TULP4: variants seen among roughly 807,000 people sequenced by gnomAD.
TULP4 encodes TUB like protein 4.
TULP4 carries 16 observed loss-of-function variants against 129.0 expected under a neutral mutation model. That is an observed-to-expected ratio of 0.12 (90% confidence interval 0.08 to 0.19). The LOEUF (loss-of-function observed/expected upper bound fraction) is 0.19, where lower values mean the gene tolerates loss of function less well. TULP4 is among the 10% of genes least tolerant of loss of function. TULP4 has a pLI of 1.00. For synonymous variants in TULP4, 998 were observed against 854.0 expected (o/e 1.17, Z -2.94); for missense variants, 1,842 against 2,059.1 (o/e 0.89, Z 2.04).
chr6:158,404,998 G>A (rs1221762592), intron 1 of TULP4, among the ~76,000 whole-genome samples: 1 of 152,032 alleles, frequency 6.6e-6, no homozygotes, highest in African/African-American at 2.4e-5. Context: ...TAAAAAAAAA[G>A]TCTATGGAGA....
intron 3 of TULP4, among the ~76,000 whole-genome samples, chr6:158,433,931 G>A (rs960116802): frequency 6.9e-6 from 1 of 144,998 alleles, no homozygotes; most frequent in African/African-American, 2.5e-5. Context: ...AACAACAGAA[G>A]TGTATTTCTC....
intron 12 of TULP4, among the ~76,000 whole-genome samples, 155 bp from the exon 13 acceptor site, chr6:158,501,523 C>G (rs992195398): frequency 1.1e-4 from 17 of 152,210 alleles, no homozygotes; most frequent in South Asian, 2.1e-4. Flanking sequence ...CTTGTGCGAG[C>G]AGGCCAGCTT....
At chr6:158,357,549 A>G (rs562721468) in intron 1 of TULP4, among the ~76,000 whole-genome samples, 15 of 152,346 alleles carry the variant, frequency 9.8e-5, no homozygotes, top group Non-Finnish European at 1.9e-4. Flanking sequence ...ATTCCATTAG[A>G]TGAGTAGGAA....
intron 1 of TULP4, among the ~76,000 whole-genome samples, chr6:158,239,600 C>T (rs1341675142): frequency 9.6e-5 from 6 of 62,336 alleles, no homozygotes; most frequent in African/African-American, 1.6e-4. Flanking sequence ...TGACCCCCCC[C>T]ACCTCCCTCC....
intron 1 of TULP4, 120 bp from the exon 2 acceptor site, chr6:158,412,945 C>T: frequency 7.2e-7 from 1 of 1,380,006 alleles, no homozygotes; most frequent in East Asian, 2.5e-5. Context: ...CTGCATTCGC[C>T]CCCAGTCTTC....
intron 1 of TULP4, among the ~76,000 whole-genome samples, chr6:158,401,638 C>T (rs1032366447): frequency 6.8e-6 from 1 of 146,500 alleles, no homozygotes; most frequent in Non-Finnish European, 1.5e-5. Flanking sequence ...GTGGTCAAGC[C>T]GTTCTAAGCA....
chr6:158,308,347 G>A (rs972294700), upstream of TULP4, among the ~76,000 whole-genome samples: 160 of 152,026 alleles, frequency 1.1e-3, no homozygotes, highest in Non-Finnish European at 6.0e-4. Context: ...GGATCCCAAG[G>A]CCAAAGAATT....
intron 1 of TULP4, among the ~76,000 whole-genome samples, chr6:158,276,297 TTC>T (rs1183252184): frequency 1.1e-3 from 115 of 108,642 alleles, no homozygotes; most frequent in African/African-American, 2.9e-3. Flanking sequence ...TCCTTCTTTC[TTC>T]TTCTTTCTTT....
At chr6:158,487,338 G>T (rs1019196576) in intron 8 of TULP4, among the ~76,000 whole-genome samples, 1 of 152,190 alleles carries the variant, frequency 6.6e-6, no homozygotes, top group African/African-American at 2.4e-5. Context: ...TACTCAGGAG[G>T]CTGAGGCAGG....
Position 158,503,146 on chromosome 6 carries a change from G to A in TULP4, c.3483G>A (p.Leu1161=). ...SSLMLSQGQH[L]DVSRLPFISP... Reference sequence around the variant, plus strand: ...TGATGCTGAGTCAGGGCCAGCACCTGGACGTGTCCCGACTGCCCTTCATCT... The same window carrying A: ...TGATGCTGAGTCAGGGCCAGCACCTAGACGTGTCCCGACTGCCCTTCATCT... The change falls in exon 13 of 14, where the codon CTG becomes CTA. Residue 1161 remains leucine, a synonymous_variant. Transcript: ENST00000367097. The surrounding 1 kb of genome is among the most constrained non-coding windows in gnomAD (Gnocchi z 4.3). The A allele has an allele frequency of 5.0e-6, 8 of 1,613,652 alleles. No individual in the cohort carries two copies. The highest frequency in any genetic ancestry group is 1.3e-5 in the African/African-American group (1 of 75,024).
intron 1 of TULP4, among the ~76,000 whole-genome samples, chr6:158,344,977 A>G (rs188154245): frequency 2.6e-5 from 4 of 152,368 alleles, no homozygotes; most frequent in African/African-American, 7.2e-5. Flanking sequence ...AAACAGGCTT[A>G]TTGCTGATAT....
In TULP4 at chr6:158,481,297, C is replaced by T; in HGVS notation, c.1486+8C>T. On this transcript the variant is annotated splice_region_variant and intron_variant, in intron 8 of 13. Coordinates refer to ENST00000367097, the MANE Select transcript of TULP4 (RefSeq NM_020245.5). Reference sequence around the variant, plus strand: ...GGACAGATAGCAAACCAGGTGGGCCCCTCACCCGAGGGACTGGGACCTTGT... The same window carrying T: ...GGACAGATAGCAAACCAGGTGGGCCTCTCACCCGAGGGACTGGGACCTTGT... 6.2e-7 allele frequency: 1 copy of T among 1,609,878 alleles called. No individual in the cohort carries two copies. The highest frequency in any genetic ancestry group is 8.5e-7 in the Non-Finnish European group (1 of 1,178,004).
chr6:158,295,645 T>G (rs1779015093), intron 1 of TULP4, among the ~76,000 whole-genome samples: 1 of 152,032 alleles, frequency 6.6e-6, no homozygotes, highest in African/African-American at 2.4e-5. Context: ...GTCCCAACAC[T>G]TTGGGAGGCC....
chr6:158,471,113 CAGAA>C (rs1583913563), intron 6 of TULP4, among the ~76,000 whole-genome samples: 1 of 152,242 alleles, frequency 6.6e-6, no homozygotes, highest in East Asian at 1.9e-4. Context: ...CTGGAAGAGA[CAGAA>C]AGGAAGGAGA....
At chr6:158,340,017 G>A (rs980459269) in intron 1 of TULP4, among the ~76,000 whole-genome samples, 2 of 152,156 alleles carry the variant, frequency 1.3e-5, no homozygotes, top group Non-Finnish European at 2.9e-5. Flanking sequence ...CTGAGTTCCC[G>A]CAACAGGCCG....
intron 1 of TULP4, among the ~76,000 whole-genome samples, chr6:158,319,535 A>G (rs9457343): frequency 0.17 from 26,296 of 152,170 alleles, 2,694 homozygotes; most frequent in Middle Eastern, 0.26. Flanking sequence ...TGGCCACGGA[A>G]CTAACTAAAT....
At chr6:158,398,669 G>T (rs1181987384) in intron 1 of TULP4, 13 of 152,214 alleles carry the variant, frequency 8.5e-5, no homozygotes, top group African/African-American at 2.9e-4. Flanking sequence ...GGAGACAGCA[G>T]CTTAGTATAA....
intron 1 of TULP4, among the ~76,000 whole-genome samples, chr6:158,262,494 G>C (rs939496398): frequency 6.6e-6 from 1 of 152,200 alleles, no homozygotes; most frequent in South Asian, 2.1e-4. Flanking sequence ...CCTGCACATT[G>C]TTCTTTGCAG....
intron 1 of TULP4, among the ~76,000 whole-genome samples, chr6:158,409,965 C>T (rs1027390580): frequency 2.0e-5 from 3 of 152,098 alleles, no homozygotes; most frequent in Non-Finnish European, 4.4e-5. Flanking sequence ...ATGCCATTCT[C>T]CTGCCTCAGC....
Sources: gnomAD v4.1 joint callset for allele counts (sites outside exome capture counted in the v4.1 genomes callset) on GRCh38, gnomAD v4.1.1 for gene constraint, Gnocchi (gnomAD v3.1) non-coding constraint, MANE v1.5 for transcripts, NCBI Gene and HGNC (gene_info 2026-07-23, HGNC 2026-07-21) for gene names.